The following NKAIN3 variants were observed in gnomAD, a reference collection of about 807,000 sequenced individuals.
NKAIN3 encodes the protein sodium/potassium-transporting ATPase subunit beta-1-interacting protein 3.
NKAIN3 carries 25 observed loss-of-function variants against 30.2 expected under a neutral mutation model. The observed-to-expected ratio is 0.83, with a 90% confidence interval of 0.60 to 1.16. NKAIN3 has a LOEUF of 1.16. Among genes scored for constraint, NKAIN3 ranks in the 50% most tolerant of loss-of-function variants. NKAIN3 has a pLI of 0.00. For missense variants in NKAIN3, 225 were observed against 254.1 expected (o/e 0.89, Z 0.78); for synonymous variants, 91 against 89.6 (o/e 1.02, Z -0.09).
At chr8:62,279,072 A>G (rs1289830137) in intron 1 of NKAIN3, among the ~76,000 whole-genome samples, 1 of 152,158 alleles carries the variant, frequency 6.6e-6, no homozygotes, top group African/African-American at 2.4e-5. Context: ...TTGCCATTCT[A>G]ACTGGTGTGA....
intron 3 of NKAIN3, among the ~76,000 whole-genome samples, chr8:62,708,645 T>C (rs1814615183): frequency 6.6e-6 from 1 of 152,158 alleles, no homozygotes; most frequent in Admixed American, 6.5e-5. Flanking sequence ...GTTTTCAAGG[T>C]AAATGATCAT....
At chr8:62,390,697 C>T (rs543021773) in intron 1 of NKAIN3, among the ~76,000 whole-genome samples, 4 of 152,280 alleles carry the variant, frequency 2.6e-5, no homozygotes, top group African/African-American at 9.6e-5. Context: ...ACCTCATCAG[C>T]ATCTATTGTT....
intron 5 of NKAIN3, among the ~76,000 whole-genome samples, chr8:62,923,972 C>T (rs958778557): frequency 6.6e-6 from 1 of 152,164 alleles, no homozygotes; most frequent in Non-Finnish European, 1.5e-5. Context: ...GATAGAGAAG[C>T]CCCTTTACCA....
chr8:62,368,548 C>A (rs1176582201), intron 1 of NKAIN3, among the ~76,000 whole-genome samples: 1 of 10,424 alleles, frequency 9.6e-5, no homozygotes. Flanking sequence ...AAAACCACCA[C>A]AAATACAGCT....
chr8:62,425,814 G>A (rs748951773), intron 1 of NKAIN3, among the ~76,000 whole-genome samples: 5 of 151,906 alleles, frequency 3.3e-5, no homozygotes, highest in Non-Finnish European at 7.4e-5. Flanking sequence ...TGTCTTGCAT[G>A]CTTTGTTTAG....
intron 1 of NKAIN3, among the ~76,000 whole-genome samples, chr8:62,494,295 T>C (rs1340110421): frequency 6.6e-6 from 1 of 152,180 alleles, no homozygotes; most frequent in African/African-American, 2.4e-5. Context: ...GTTTTTGTCT[T>C]TAGTTCTGTT....
At chr8:62,390,714 C>T (rs1040893290) in intron 1 of NKAIN3, among the ~76,000 whole-genome samples, 4 of 152,092 alleles carry the variant, frequency 2.6e-5, no homozygotes, top group South Asian at 2.1e-4. Context: ...TGTTTTGTGA[C>T]TTTTTAATAA....
chr8:62,538,442 T>G (rs183010044), intron 1 of NKAIN3, among the ~76,000 whole-genome samples: 2 of 152,206 alleles, frequency 1.3e-5, no homozygotes, highest in Admixed American at 1.3e-4. Flanking sequence ...CCCAAAGTGC[T>G]GGGATTACAG....
At chr8:62,537,550 C>T (rs930461698) in intron 1 of NKAIN3, among the ~76,000 whole-genome samples, 1 of 151,936 alleles carries the variant, frequency 6.6e-6, no homozygotes, top group African/African-American at 2.4e-5. Flanking sequence ...AGTCTTACTT[C>T]TGAAGAATCA....
At chr8:62,545,320 C>T (rs1272037146) in intron 1 of NKAIN3, among the ~76,000 whole-genome samples, 1 of 152,166 alleles carries the variant, frequency 6.6e-6, no homozygotes, top group Non-Finnish European at 1.5e-5. Context: ...CATGGTGGCT[C>T]ATGCCTGTAA....
At chr8:62,856,553 C>G (rs1820064736) in intron 4 of NKAIN3, 1 of 781,150 alleles carries the variant, frequency 1.3e-6, no homozygotes. Context: ...CTGGCTTAGG[C>G]ACTGTCATTG....
Position 62,417,018 on chromosome 8 carries a change from A to AT in NKAIN3, c.55-162520dup, listed in dbSNP as rs1804467487. On this transcript the variant is annotated intron_variant, in intron 1 of 6. Coordinates refer to ENST00000623646, the MANE Select transcript of NKAIN3 (RefSeq NM_001304533.3). ...TAAATATATATATTTATATATATAT[A>AT]TATGACTATAGTCACCCTGTTGTAC... Among the ~76,000 whole-genome samples, 13 of 151,396 alleles carry AT rather than the reference A, an allele frequency of 8.6e-5. 1 individual carries two copies. In the South Asian group the frequency reaches 2.7e-3, roughly 32 times the overall value.
At chr8:62,682,138 G>A (rs1341945432) in intron 3 of NKAIN3, among the ~76,000 whole-genome samples, 1 of 152,130 alleles carries the variant, frequency 6.6e-6, no homozygotes, top group Non-Finnish European at 1.5e-5. Context: ...GACCCGGAGA[G>A]ACAGCCCAAA....
chr8:62,480,420 G>A (rs1277773717), intron 1 of NKAIN3, among the ~76,000 whole-genome samples: 1 of 151,220 alleles, frequency 6.6e-6, no homozygotes, highest in Non-Finnish European at 1.5e-5. Context: ...TAATAAAGCT[G>A]GGGGGAAAAT....
rs1824002754 is a variant in NKAIN3 at position 62,978,659 on chromosome 8, G to T, written c.*13252G>T. The stretch of plus-strand genomic sequence containing the variant: ...GATCTTAGCTTTCTGGGCTCCATGG[G>T]GGTGGGATCTACTGATCAAGACCAC... On this transcript the variant is annotated 3_prime_UTR_variant, in exon 7 of 7. Transcript: ENST00000623646. 6.6e-6 allele frequency: 1 copy of T among 152,660 alleles called. No homozygotes were observed. The allele number at this position is 152,660 out of a possible 1,614,324, so 9.5% of individuals were successfully genotyped here.
chr8:62,994,782 A>C (rs941067223), intron 5 of NKAIN3, among the ~76,000 whole-genome samples: 7 of 152,130 alleles, frequency 4.6e-5, no homozygotes, highest in Non-Finnish European at 1.0e-4. Context: ...TCTTAGGAAA[A>C]TCTAGGTTTT....
intron 1 of NKAIN3, among the ~76,000 whole-genome samples, chr8:62,429,722 T>C (rs1383656729): frequency 6.6e-6 from 1 of 151,950 alleles, no homozygotes; most frequent in Non-Finnish European, 1.5e-5. Context: ...CTGGAAGCAT[T>C]AATGTTTCAC....
intron 1 of NKAIN3, among the ~76,000 whole-genome samples, chr8:62,282,356 C>T (rs12679323): frequency 0.55 from 83,396 of 151,926 alleles, 23,701 homozygotes; most frequent in Non-Finnish European, 0.63. Flanking sequence ...CTATTCTTCC[C>T]GGGATGGCGA....
chr8:62,681,265 A>T (rs370506182), intron 3 of NKAIN3, among the ~76,000 whole-genome samples: 41 of 152,314 alleles, frequency 2.7e-4, no homozygotes, highest in African/African-American at 8.7e-4. Flanking sequence ...CTTAGACTAG[A>T]TGTATTTTGG....
Sources: gnomAD v4.1 joint callset for allele counts (sites outside exome capture counted in the v4.1 genomes callset) on GRCh38, gnomAD v4.1.1 for gene constraint, MANE v1.5 for transcripts, NCBI Gene and HGNC (gene_info 2026-07-23, HGNC 2026-07-21) for gene names.